Variants in DHX40 observed in about 807,000 individuals in gnomAD.
The protein encoded by DHX40 is probable ATP-dependent RNA helicase DHX40.
DHX40 carries 28 observed loss-of-function variants against 89.6 expected under a neutral mutation model. That is an observed-to-expected ratio of 0.31 (90% CI 0.23 to 0.43). The LOEUF is 0.43. DHX40 is among the 20% of genes least tolerant of loss of function. The pLI is 1.00. For synonymous variants in DHX40, 226 were observed against 283.6 expected, an observed-to-expected ratio of 0.80 and a Z score of 2.04; for missense variants, 457 against 844.0, an observed-to-expected ratio of 0.54 and a Z score of 5.68.
At chr17:59,572,265 T>G (rs2048820365) in intron 3 of DHX40, among the ~76,000 whole-genome samples, 1 of 152,232 alleles carries the variant, frequency 6.6e-6, no homozygotes, top group African/African-American at 2.4e-5. Context: ...TACTATCTTT[T>G]TGCCTTCCTA....
chr17:59,592,174 A>T (rs1357074126), intron 12 of DHX40, among the ~76,000 whole-genome samples: 2 of 151,722 alleles, frequency 1.3e-5, no homozygotes, highest in African/African-American at 4.8e-5. Context: ...CCCGGCCTAA[A>T]GTTTGGAAAT....
intron 12 of DHX40, among the ~76,000 whole-genome samples, chr17:59,590,704 A>C (rs1300242050): frequency 6.6e-6 from 1 of 151,782 alleles, no homozygotes; most frequent in Non-Finnish European, 1.5e-5. Flanking sequence ...TCCTGAGCTC[A>C]AGTGACCCAC....
chr17:59,573,187 A>G lies in DHX40; in HGVS notation c.498A>G (p.Lys166=). ...KHILGDPNLT[K]FSVIILDEAH... ...TTCTGGGAGACCCAAATCTTACCAAATTCAGTGTCATTATTTTGGATGAAG... is the reference window on the plus strand; with the variant it reads ...TTCTGGGAGACCCAAATCTTACCAAGTTCAGTGTCATTATTTTGGATGAAG... Residue 166 remains lysine, a synonymous_variant, in exon 4 of 18, where the codon AAA becomes AAG. Coordinates refer to ENST00000251241, the MANE Select transcript of DHX40 (RefSeq NM_024612.5). 1 of 1,613,524 alleles carries G rather than the reference A, an allele frequency of 6.2e-7. No individual in the cohort carries two copies. The highest frequency in any genetic ancestry group is 8.5e-7 in the Non-Finnish European group (1 of 1,179,750).
At chr17:59,577,897 AT>A (rs1216282521) in intron 8 of DHX40, among the ~76,000 whole-genome samples, 1 of 151,996 alleles carries the variant, frequency 6.6e-6, no homozygotes, top group East Asian at 1.9e-4. Flanking sequence ...ATGATTTGAT[AT>A]TTCCTTCTAC....
intron 6 of DHX40, among the ~76,000 whole-genome samples, chr17:59,574,488 G>A (rs1296752751): frequency 6.6e-6 from 1 of 151,372 alleles, no homozygotes; most frequent in African/African-American, 2.4e-5. Context: ...AGACATAATA[G>A]TATGTATATA....
chr17:59,601,295 T>G (rs1188766278), intron 14 of DHX40, among the ~76,000 whole-genome samples: 2 of 152,008 alleles, frequency 1.3e-5, no homozygotes, highest in Admixed American at 1.3e-4. Context: ...GGTGACAGAG[T>G]AAGACCCTGA....
In DHX40 at chr17:59,608,047, C is replaced by A. The variant is rs1188456790; in HGVS notation, c.*875C>A. 6.5e-6 allele frequency: 1 copy of A among 154,646 alleles called. No individual in the cohort carries two copies. The highest frequency in any genetic ancestry group is 1.5e-5 in the Non-Finnish European group (1 of 68,188). 9.6% of individuals were successfully genotyped at this position (154,646 alleles called of 1,614,324 possible). The stretch of plus-strand genomic sequence containing the variant: ...GTAGGGCCATTTAACTTCCATTATG[C>A]CAAACTTGGGATGGGATTTTCGAAG... On this transcript the variant is annotated 3_prime_UTR_variant, in exon 18 of 18. Coordinates refer to ENST00000251241, the MANE Select transcript of DHX40 (RefSeq NM_024612.5).
intron 15 of DHX40, chr17:59,604,527 A>G (rs1159599977): frequency 6.5e-6 from 1 of 154,306 alleles, no homozygotes; most frequent in East Asian, 1.9e-4. Context: ...ACAAAGTACT[A>G]TAGGAAATAA....
intron 16 of DHX40, 131 bp downstream of exon 16, chr17:59,605,315 A>G: frequency 1.6e-6 from 2 of 1,244,572 alleles, no homozygotes; most frequent in South Asian, 2.7e-5. Flanking sequence ...CTATAAGGGT[A>G]TTGGTTGGCC....
chr17:59,594,093 A>G (rs555551481), intron 12 of DHX40, among the ~76,000 whole-genome samples: 1 of 152,096 alleles, frequency 6.6e-6, no homozygotes, highest in Non-Finnish European at 1.5e-5. Context: ...TTCCCTCTCT[A>G]TTTACTTCTC....
chr17:59,572,668 C>T (rs759547736), intron 3 of DHX40, among the ~76,000 whole-genome samples: 6 of 152,168 alleles, frequency 3.9e-5, no homozygotes, highest in South Asian at 2.1e-4. Context: ...CGTGAGCTAC[C>T]GTGTCTGACC....
chr17:59,570,389 T>C, intron 2 of DHX40, 129 bp from the exon 3 acceptor site: 1 of 796,268 alleles, frequency 1.3e-6, no homozygotes, highest in Non-Finnish European at 1.8e-6. Context: ...TAGCAGTGTG[T>C]TTTTAATTTG....
In DHX40 at chr17:59,591,916, A is replaced by G. The variant is rs541061440; in HGVS notation, c.1582+3863A>G. 2.2e-4 allele frequency among the ~76,000 whole-genome samples: 33 copies of G among 151,966 alleles called. 1 individual carries two copies. In the South Asian group the frequency reaches 2.5e-3, roughly 12 times the overall value. On this transcript the variant is annotated intron_variant, in intron 12 of 17. Coordinates refer to ENST00000251241, the MANE Select transcript of DHX40 (RefSeq NM_024612.5). Reference sequence around the variant, plus strand: ...GAGAGTCTCACTCTGTTGCCCAGGCAGTAGTGCAGTGGTGGGATCATGGCT... The same window carrying G: ...GAGAGTCTCACTCTGTTGCCCAGGCGGTAGTGCAGTGGTGGGATCATGGCT...
intron 3 of DHX40, among the ~76,000 whole-genome samples, chr17:59,572,861 G>A (rs780068062): frequency 8.5e-5 from 13 of 152,146 alleles, no homozygotes; most frequent in Non-Finnish European, 1.5e-4. Flanking sequence ...ACTTTCCTCT[G>A]ACTTTATTGT....
At chr17:59,578,918 G>C (rs1311788337) in intron 8 of DHX40, among the ~76,000 whole-genome samples, 1 of 131,614 alleles carries the variant, frequency 7.6e-6, no homozygotes, top group African/African-American at 2.7e-5. Flanking sequence ...TTTGAGGTTC[G>C]TCCACATTGT....
chr17:59,585,666 T>A (rs1172561882), intron 10 of DHX40, among the ~76,000 whole-genome samples: 1 of 150,888 alleles, frequency 6.6e-6, no homozygotes, highest in Non-Finnish European at 1.5e-5. Context: ...GAGGTTGCAG[T>A]GATCAGAGAT....
chr17:59,574,540 A>G (rs1243572780), intron 6 of DHX40, among the ~76,000 whole-genome samples: 2 of 151,072 alleles, frequency 1.3e-5, no homozygotes, highest in Non-Finnish European at 3.0e-5. Context: ...CAAAGACGTA[A>G]TAGTGTATAT....
chr17:59,596,283 C>T (rs1435759699), intron 12 of DHX40, among the ~76,000 whole-genome samples: 1 of 151,982 alleles, frequency 6.6e-6, no homozygotes, highest in Admixed American at 6.6e-5. Context: ...AATTAGTATC[C>T]CTGGCTGGCG....
chr17:59,573,003 T>C, intron 3 of DHX40, 113 bp from the exon 4 acceptor site: 1 of 1,142,724 alleles, frequency 8.8e-7, no homozygotes, highest in Non-Finnish European at 1.2e-6. Flanking sequence ...TATTTTTATG[T>C]ACCCTTTTGT....
Sources: allele counts gnomAD v4.1 joint callset (sites outside exome capture counted in the v4.1 genomes callset), GRCh38; gene constraint gnomAD v4.1.1; transcripts MANE v1.5; gene names NCBI Gene and HGNC (gene_info 2026-07-23, HGNC 2026-07-21).